Variants in GTF2H3 observed in about 807,000 individuals in gnomAD.
GTF2H3 encodes TFIIH basal transcription factor complex p34 subunit.
Under a neutral mutation model 51.1 loss-of-function variants are expected in GTF2H3, and 42 were observed. The observed-to-expected ratio is 0.82, with a 90% CI of 0.64 to 1.06. The LOEUF (loss-of-function observed/expected upper bound fraction) is 1.06, where lower values mean the gene tolerates loss of function less well. GTF2H3 is among the 50% of genes least tolerant of loss of function. The pLI is 0.00. For missense variants in GTF2H3, 326 were observed against 366.1 expected, an observed-to-expected ratio of 0.89 and a Z score of 0.89; for synonymous variants, 123 against 123.8, an observed-to-expected ratio of 0.99 and a Z score of 0.04.
At chr12:123,637,883 C>G (rs1223796412) in intron 1 of GTF2H3, among the ~76,000 whole-genome samples, 1 of 152,184 alleles carries the variant, frequency 6.6e-6, no homozygotes, top group Non-Finnish European at 1.5e-5. Flanking sequence ...GCTACGCCTC[C>G]CTTTAATTTT....
chr12:123,649,479 G>A (rs983877539), intron 4 of GTF2H3: 3 of 152,200 alleles, frequency 2.0e-5, no homozygotes, highest in African/African-American at 7.2e-5. Context: ...TTCACCCCAC[G>A]TTTAGAGCCA....
intron 1 of GTF2H3, among the ~76,000 whole-genome samples, chr12:123,634,426 G>A (rs776147909): frequency 6.6e-6 from 1 of 152,162 alleles, no homozygotes; most frequent in Non-Finnish European, 1.5e-5. Flanking sequence ...GGCCGACAGG[G>A]CATGACCTCG....
chr12:123,639,828 A>G (rs950126266), intron 2 of GTF2H3: 1 of 344,116 alleles, frequency 2.9e-6, no homozygotes, highest in Non-Finnish European at 6.1e-6. Context: ...TTTTGAAACT[A>G]TCAGTGCAAT....
At position 123,660,330 on chromosome 12, in the gene GTF2H3, G is replaced by A; in HGVS notation, c.*95G>A. The A allele has an allele frequency of 1.2e-6, 1 of 856,686 alleles. No individual in the cohort carries two copies. Among genetic ancestry groups the A allele is most frequent in the Non-Finnish European group, 1.8e-6 (1 of 551,630 alleles). 53.1% of individuals were successfully genotyped at this position (856,686 alleles called of 1,614,324 possible). A position where few individuals can be genotyped will look rare whatever the true frequency, so the allele number is the denominator to read the frequency against. ...ACTGAAAAAAATAAAGATAGGTATAGGATAATTTTTAATATGGTGACCTTA... is the reference window on the plus strand; with the variant it reads ...ACTGAAAAAAATAAAGATAGGTATAAGATAATTTTTAATATGGTGACCTTA... On this transcript the variant is annotated 3_prime_UTR_variant, in exon 13 of 13. Transcript: ENST00000543341.
chr12:123,634,764 T>C (rs1046146433), intron 1 of GTF2H3, among the ~76,000 whole-genome samples: 3 of 152,144 alleles, frequency 2.0e-5, no homozygotes, highest in Non-Finnish European at 4.4e-5. Context: ...GAGTCAGATG[T>C]CTTGAAGATT....
In GTF2H3 at chr12:123,657,834, C is replaced by T. The variant is rs932365198; in HGVS notation, c.616-1682C>T. On this transcript the variant is annotated intron_variant, in intron 9 of 12. Coordinates refer to ENST00000543341, the MANE Select transcript of GTF2H3 (RefSeq NM_001516.5). ...CAGAGGAGCCTCAGGGTCCTAGGAT[C>T]GGAGCTAGGGTTTTCAGTGTAAATG... Among the ~76,000 whole-genome samples, 3 of 152,220 alleles carry T rather than the reference C, an allele frequency of 2.0e-5. No individual in the cohort carries two copies. In the East Asian group the frequency reaches 5.8e-4, roughly 29 times the overall value.
intron 3 of GTF2H3, 44 bp downstream of exon 3, chr12:123,645,605 C>G (rs1214375542): frequency 2.0e-6 from 2 of 991,458 alleles, no homozygotes; most frequent in Non-Finnish European, 3.2e-6. Context: ...GCTTAATATT[C>G]ATGAGTTTTC....
chr12:123,659,534 G>A lies in GTF2H3; in HGVS notation c.634G>A (p.Gly212Arg), dbSNP rs1733629614. The change falls in exon 10 of 13, where the codon GGA becomes AGA. Residue 212 changes from glycine (G) to arginine (R), a missense_variant. Physicochemically the swap from Gly to Arg is moderately radical, Grantham distance 125. Coordinates refer to ENST00000543341, the MANE Select transcript of GTF2H3 (RefSeq NM_001516.5). ...CTTGCAGGCTTGTGACATCACGGGA[G>A]GACTGTACCTGAAGGTGCCTCAGAT... ...LLQQACDITG[G>R]LYLKVPQMPS... 1 of 1,614,162 alleles carries A rather than the reference G, an allele frequency of 6.2e-7. No individual in the cohort carries two copies. Among genetic ancestry groups the A allele is most frequent in the Non-Finnish European group, 8.5e-7 (1 of 1,180,020 alleles).
intron 9 of GTF2H3, among the ~76,000 whole-genome samples, chr12:123,656,971 T>G (rs11572994): frequency 0.016 from 2,398 of 149,494 alleles, 54 homozygotes; most frequent in African/African-American, 0.054. Context: ...GCCTGTAGTC[T>G]CAGCTGTTCG....
chr12:123,659,332 A>C, intron 9 of GTF2H3, 184 bp from the exon 10 acceptor site: 1 of 593,306 alleles, frequency 1.7e-6, no homozygotes, highest in Non-Finnish European at 3.0e-6. Context: ...GTGCCACTGC[A>C]CTCCAGCCTG....
chr12:123,635,306 C>A (rs1438909228), intron 1 of GTF2H3, among the ~76,000 whole-genome samples: 1 of 152,072 alleles, frequency 6.6e-6, no homozygotes, highest in Non-Finnish European at 1.5e-5. Context: ...CACAGTGGCT[C>A]ACGCCTGTAA....
intron 9 of GTF2H3, among the ~76,000 whole-genome samples, chr12:123,657,637 C>G (rs1266181555): frequency 6.6e-6 from 1 of 152,210 alleles, no homozygotes; most frequent in Non-Finnish European, 1.5e-5. Flanking sequence ...TAACCTATAA[C>G]ATTATTTTTG....
chr12:123,650,434 G>A (rs964884694), intron 4 of GTF2H3: 2 of 153,202 alleles, frequency 1.3e-5, no homozygotes, highest in Admixed American at 6.5e-5. Context: ...CTAGACTTAT[G>A]CGTGACATTT....
rs1290223167 is a variant in GTF2H3 at position 123,654,811 on chromosome 12, A to C, written c.487-113A>C. The C allele has an allele frequency of 2.0e-5, 15 of 748,912 alleles. No homozygotes were observed. The Admixed American group carries it at 3.1e-4, about 15-fold the overall frequency. The allele number at this position is 748,912 out of a possible 1,614,324, so 46.4% of individuals were successfully genotyped here. ...CTTTAGGTATCATTTAACAATGATA[A>C]ATGGGAAGACAAACTGGAATAATGT... On this transcript the variant is annotated intron_variant, in intron 7 of 12. Coordinates refer to ENST00000543341, the MANE Select transcript of GTF2H3 (RefSeq NM_001516.5).
chr12:123,651,743 C>T (rs1052001688), intron 5 of GTF2H3, among the ~76,000 whole-genome samples: 2 of 151,548 alleles, frequency 1.3e-5, no homozygotes, highest in African/African-American at 4.8e-5. Context: ...TAGCGTGAAC[C>T]TGGGAGGCAG....
Position 123,662,414 on chromosome 12 carries a change from T to C in GTF2H3, c.*2179T>C, listed in dbSNP as rs1328365076. ...TATTTTGTATACTAATTAAGTGTAA[T>C]GGAAATCACAATTTTAAGTCTAGGA... On this transcript the variant is annotated 3_prime_UTR_variant, in exon 13 of 13. Transcript: ENST00000543341. The C allele has an allele frequency of 2.0e-5, 3 of 152,162 alleles. No individual in the cohort carries two copies. Among genetic ancestry groups the C allele is most frequent in the Admixed American group, 2.0e-4 (3 of 15,274 alleles). 9.4% of individuals were successfully genotyped at this position (152,162 alleles called of 1,614,324 possible).
intron 9 of GTF2H3, among the ~76,000 whole-genome samples, chr12:123,658,067 T>C (rs766355133): frequency 4.6e-5 from 7 of 152,172 alleles, no homozygotes; most frequent in Non-Finnish European, 1.0e-4. Context: ...TATTTTATTT[T>C]ATTTTATTTT....
chr12:123,639,303 A>G lies in GTF2H3; in HGVS notation c.53A>G (p.Asn18Ser), dbSNP rs1418085539. Residue 18 changes from asparagine (N) to serine (S), a missense_variant, in exon 2 of 13, where the codon AAC (asparagine) becomes AGC (serine). By Grantham distance (46) the Asn-to-Ser change is conservative. Transcript: ENST00000543341. ...CTTCTGGTTATTGTAGTTGATGCCA[A>G]CCCAATTTGGTGGGGAAAGCAAGCA... ...LNLLVIVVDA[N>S]PIWWGKQALK... 7 of 1,590,076 alleles carry G rather than the reference A, an allele frequency of 4.4e-6. No homozygotes were observed. The highest frequency in any genetic ancestry group is 6.0e-6 in the Non-Finnish European group (7 of 1,158,250).
At chr12:123,654,830 A>G (rs1955566465) in intron 7 of GTF2H3, 94 bp from the exon 8 acceptor site, 2 of 815,088 alleles carry the variant, frequency 2.5e-6, no homozygotes, top group South Asian at 1.4e-5. Context: ...ACAAACTGGA[A>G]TAATGTTGGT....
Sources: allele counts gnomAD v4.1 joint callset (sites outside exome capture counted in the v4.1 genomes callset), GRCh38; gene constraint gnomAD v4.1.1; transcripts MANE v1.5; gene names NCBI Gene and HGNC (gene_info 2026-07-23, HGNC 2026-07-21).